Variants in ECRG4 observed in about 807,000 individuals in gnomAD.
ECRG4 encodes the protein ECRG4 augurin precursor, also known as augurin.
In ECRG4, 18 loss-of-function variants were observed where a neutral mutation model predicts 15.8. That is an observed-to-expected ratio of 1.14 (90% CI 0.79 to 1.69). The LOEUF (loss-of-function observed/expected upper bound fraction) is 1.69. ECRG4 is among the 40% of genes most tolerant of loss of function. ECRG4 has a pLI of 0.00. For missense variants in ECRG4, 200 were observed against 190.9 expected (o/e 1.05, Z -0.28); for synonymous variants, 82 against 73.9 (o/e 1.11, Z -0.56).
chr2:106,067,163 G>A (rs1273292952), intron 1 of ECRG4, among the ~76,000 whole-genome samples: 1 of 149,044 alleles, frequency 6.7e-6, no homozygotes, highest in East Asian at 2.1e-4. Flanking sequence ...GTGATGGCAC[G>A]TTCCTGTAAT....
intron 1 of ECRG4, among the ~76,000 whole-genome samples, chr2:106,068,332 G>C (rs1278210041): frequency 1.3e-5 from 2 of 152,042 alleles, no homozygotes; most frequent in African/African-American, 2.4e-5. Context: ...GATGATATTG[G>C]GTGAAAAGTC....
At chr2:106,067,342 G>C (rs777080836) in intron 1 of ECRG4, among the ~76,000 whole-genome samples, 4 of 152,096 alleles carry the variant, frequency 2.6e-5, no homozygotes, top group Non-Finnish European at 5.9e-5. Context: ...AAGCACATCT[G>C]AATAAGTCAA....
chr2:106,074,769 C>T (rs1053911127), intron 3 of ECRG4, among the ~76,000 whole-genome samples: 3 of 152,184 alleles, frequency 2.0e-5, no homozygotes, highest in African/African-American at 7.2e-5. Context: ...TGCTGCCCCA[C>T]CAGGGAGCAG....
At chr2:106,068,118 T>A (rs1156303466) in intron 1 of ECRG4, among the ~76,000 whole-genome samples, 1 of 152,092 alleles carries the variant, frequency 6.6e-6, no homozygotes, top group Non-Finnish European at 1.5e-5. Context: ...GTGCTAGGAT[T>A]ATAGGCTTGA....
Position 106,076,152 on chromosome 2 carries a change from C to G in ECRG4, c.286-1613C>G, listed in dbSNP as rs933251317. 3.3e-5 allele frequency among the ~76,000 whole-genome samples: 5 copies of G among 152,000 alleles called. No individual in the cohort carries two copies. In the South Asian group the frequency reaches 1.0e-3, roughly 32 times the overall value. Reference sequence around the variant, plus strand: ...CCAACATGGCAAAACCCTGTCTCTACTAAAAATACAAAAAAATTAGCCAGG... The same window carrying G: ...CCAACATGGCAAAACCCTGTCTCTAGTAAAAATACAAAAAAATTAGCCAGG... On this transcript the variant is annotated intron_variant, in intron 3 of 3. Coordinates refer to ENST00000238044, the MANE Select transcript of ECRG4 (RefSeq NM_032411.3).
upstream of ECRG4, chr2:106,064,316 G>C (rs2104786675): frequency 6.6e-6 from 1 of 152,284 alleles, no homozygotes; most frequent in South Asian, 2.1e-4. Flanking sequence ...CTTCCTGCTG[G>C]AGAAATTCAA....
intron 1 of ECRG4, among the ~76,000 whole-genome samples, chr2:106,067,162 C>A (rs532888752): frequency 1.4e-5 from 2 of 146,562 alleles, no homozygotes; most frequent in Admixed American, 7.1e-5. Flanking sequence ...CGTGATGGCA[C>A]GTTCCTGTAA....
At chr2:106,065,227 A>G (rs896446182), upstream of ECRG4, among the ~76,000 whole-genome samples, 6 of 152,008 alleles carry the variant, frequency 3.9e-5, no homozygotes, top group Non-Finnish European at 1.5e-5. Context: ...AAGGCCCCCA[A>G]GCAGGGAGGG....
At chr2:106,076,427 C>A (rs886216611) in intron 3 of ECRG4, among the ~76,000 whole-genome samples, 2 of 152,150 alleles carry the variant, frequency 1.3e-5, no homozygotes, top group African/African-American at 4.8e-5. Flanking sequence ...AGAGATGGAG[C>A]CAAAGAAGTC....
At chr2:106,067,058 C>CCGGGG (rs1443125297) in intron 1 of ECRG4, among the ~76,000 whole-genome samples, 1 of 3,390 alleles carries the variant, frequency 2.9e-4, no homozygotes, top group Non-Finnish European at 7.5e-4. Context: ...CTTTGGGAGG[C>CCGGGG]CGGGGGGGGG....
At chr2:106,075,728 G>GAA (rs1161036702) in intron 3 of ECRG4, among the ~76,000 whole-genome samples, 3 of 142,072 alleles carry the variant, frequency 2.1e-5, no homozygotes, top group Non-Finnish European at 4.7e-5. Flanking sequence ...TCTCAAAAAA[G>GAA]AAAAAAAAAA....
intron 1 of ECRG4, chr2:106,070,645 T>C (rs946719540): frequency 1.0e-5 from 2 of 190,482 alleles, no homozygotes; most frequent in East Asian, 1.4e-4. Context: ...CCCAGCTTTA[T>C]TGATGTATAA....
rs901262759 is a variant in ECRG4, at chr2:106,077,985, A to G, written c.*59A>G. On this transcript the variant is annotated 3_prime_UTR_variant, in exon 4 of 4. Transcript: ENST00000238044. ...TAGCGATTCTCTTCATGTATCTCCT[A>G]ATGCCTTACACTACTTGGTTTCTGA... 4 of 1,514,908 alleles carry G rather than the reference A, an allele frequency of 2.6e-6. No homozygotes were observed. The African/African-American group carries it at 5.5e-5, about 21-fold the overall frequency. The allele number at this position is 1,514,908 out of a possible 1,614,324, so 93.8% of individuals were successfully genotyped here. A position where few individuals can be genotyped will look rare whatever the true frequency, so the allele number is the denominator to read the frequency against.
At chr2:106,073,018 A>G (rs1676404944) in intron 2 of ECRG4, among the ~76,000 whole-genome samples, 1 of 152,214 alleles carries the variant, frequency 6.6e-6, no homozygotes. Context: ...CAAACAAACA[A>G]AAACCCCTGC....
chr2:106,067,992 C>T (rs369420827), intron 1 of ECRG4, among the ~76,000 whole-genome samples: 1,607 of 125,576 alleles, frequency 0.013, 38 homozygotes, highest in African/African-American at 0.044. Context: ...GTTGACTCCA[C>T]GCCTGGCAAT....
Position 106,073,872 on chromosome 2 carries a change from A to G in ECRG4, c.128-14A>G, listed in dbSNP as rs746372330. On this transcript the variant is annotated splice_polypyrimidine_tract_variant and intron_variant, in intron 2 of 3. Transcript: ENST00000238044. ...ATTCTTTGTGCTTTGGGGATGGGGA[A>G]TTGATGATTTCAGCACCTGTTCCAA... is the stretch of plus-strand genomic sequence containing the variant. The G allele has an allele frequency of 1.2e-6, 2 of 1,612,046 alleles. No homozygotes were observed. Among genetic ancestry groups the G allele is most frequent in the Admixed American group, 3.3e-5 (2 of 60,000 alleles).
In ECRG4 at chr2:106,073,886, CACCTGTTCCA is replaced by C; in HGVS notation, c.131_140del (p.Pro44LeufsTer19). On this transcript the variant is annotated frameshift_variant and splice_region_variant, in exon 3 of 4. Transcript: ENST00000238044. LOFTEE classifies it high-confidence loss of function. ...GGGGATGGGGAATTGATGATTTCAG[CACCTGTTCCA>C]ACTAAGACTAAAGTGGCCGTTGATG... 6.2e-7 allele frequency: 1 copy of C among 1,614,030 alleles called. No homozygotes were observed. Among genetic ancestry groups the C allele is most frequent in the Non-Finnish European group, 8.5e-7 (1 of 1,179,882 alleles).
chr2:106,065,043 T>C (rs1220447626), upstream of ECRG4, among the ~76,000 whole-genome samples: 1 of 152,126 alleles, frequency 6.6e-6, no homozygotes, highest in Non-Finnish European at 1.5e-5. Context: ...TCCTGGTTTC[T>C]CAAAGGCTTT....
At chr2:106,073,694 C>A in intron 2 of ECRG4, 192 bp from the exon 3 acceptor site, 1 of 689,480 alleles carries the variant, frequency 1.5e-6, no homozygotes, top group Non-Finnish European at 2.5e-6. Context: ...CCAAATAACA[C>A]TTACTAACAG....
Sources: gnomAD v4.1 joint callset for allele counts (sites outside exome capture counted in the v4.1 genomes callset) on GRCh38, gnomAD v4.1.1 for gene constraint, MANE v1.5 for transcripts, NCBI Gene and HGNC (gene_info 2026-07-23, HGNC 2026-07-21) for gene names.